CTNND2: variants seen among roughly 807,000 people sequenced by gnomAD.
CTNND2 encodes the protein catenin delta 2.
Under a neutral mutation model 144.4 loss-of-function variants are expected in CTNND2, and 22 were observed. The ratio of observed to expected loss-of-function variants is 0.15; its 90% CI spans 0.11 to 0.22. CTNND2 has a LOEUF of 0.22. Ranked by LOEUF, CTNND2 falls within the 10% of genes least tolerant of loss-of-function variation. The pLI is 1.00. For synonymous variants in CTNND2, 751 were observed against 695.6 expected (o/e 1.08, Z -1.25); for missense variants, 1,353 against 1,618.8 (o/e 0.84, Z 2.82).
At chr5:11,056,371 A>G (rs1473737303) in intron 16 of CTNND2, among the ~76,000 whole-genome samples, 2 of 152,260 alleles carry the variant, frequency 1.3e-5, no homozygotes, top group Non-Finnish European at 2.9e-5. Context: ...AATCTGGGAA[A>G]AAGTTTTAGT....
At chr5:11,634,852 C>T (rs1457817871) in intron 2 of CTNND2, among the ~76,000 whole-genome samples, 1 of 151,998 alleles carries the variant, frequency 6.6e-6, no homozygotes, top group East Asian at 1.9e-4. Flanking sequence ...CTTGTGGTAT[C>T]AGATGGTGTG....
intron 10 of CTNND2, among the ~76,000 whole-genome samples, chr5:11,200,782 C>T (rs1737345965): frequency 6.6e-6 from 1 of 152,146 alleles, no homozygotes; most frequent in African/African-American, 2.4e-5. Flanking sequence ...GGGTTCACGC[C>T]ATTCTCCTGC....
At chr5:11,029,598 A>T (rs1367426250) in intron 16 of CTNND2, among the ~76,000 whole-genome samples, 3 of 152,232 alleles carry the variant, frequency 2.0e-5, no homozygotes, top group Non-Finnish European at 2.9e-5. Flanking sequence ...ATGTCACACA[A>T]TTACATCTTT....
intron 9 of CTNND2, among the ~76,000 whole-genome samples, chr5:11,272,604 T>C (rs546589268): frequency 6.6e-6 from 1 of 152,258 alleles, no homozygotes; most frequent in African/African-American, 2.4e-5. Flanking sequence ...CTGAACTGAT[T>C]TTACAACTCC....
chr5:11,206,828 G>A (rs1447946840), intron 10 of CTNND2, among the ~76,000 whole-genome samples: 2 of 152,110 alleles, frequency 1.3e-5, no homozygotes, highest in Non-Finnish European at 2.9e-5. Flanking sequence ...GGCAAATATC[G>A]TGTGGTGAGT....
intron 2 of CTNND2, among the ~76,000 whole-genome samples, chr5:11,636,840 A>T (rs1781733846): frequency 6.6e-6 from 1 of 152,236 alleles, no homozygotes; most frequent in Non-Finnish European, 1.5e-5. Context: ...AGTGGAGAAC[A>T]CATAAATATT....
intron 18 of CTNND2, among the ~76,000 whole-genome samples, chr5:10,997,694 T>C (rs1739505386): frequency 1.3e-5 from 2 of 152,198 alleles, no homozygotes; most frequent in Non-Finnish European, 2.9e-5. Flanking sequence ...ATTTTATGTT[T>C]GTCTCATTGC....
intron 1 of CTNND2, among the ~76,000 whole-genome samples, chr5:11,790,290 G>T (rs978943942): frequency 1.1e-4 from 17 of 152,126 alleles, no homozygotes; most frequent in Admixed American, 3.3e-4. Flanking sequence ...TACTCCAGAA[G>T]AAGTTTCAGC....
intron 9 of CTNND2, among the ~76,000 whole-genome samples, chr5:11,325,325 G>T (rs1752424571): frequency 1.3e-5 from 2 of 151,044 alleles, no homozygotes; most frequent in Non-Finnish European, 2.9e-5. Context: ...TTTTCCTCTG[G>T]CCATAAAGCT....
At chr5:11,902,351 T>C (rs1582094802) in intron 1 of CTNND2, among the ~76,000 whole-genome samples, 1 of 152,036 alleles carries the variant, frequency 6.6e-6, no homozygotes, top group Non-Finnish European at 1.5e-5. Context: ...GTAGCAGAAA[T>C]CCCCAAAATA....
At chr5:11,439,298 G>T (rs1467484373) in intron 3 of CTNND2, among the ~76,000 whole-genome samples, 2 of 152,156 alleles carry the variant, frequency 1.3e-5, no homozygotes, top group Non-Finnish European at 2.9e-5. Context: ...AGACAGCAGA[G>T]GGGATGCCTT....
At chr5:11,863,708 A>T (rs1176306983) in intron 1 of CTNND2, among the ~76,000 whole-genome samples, 1 of 152,212 alleles carries the variant, frequency 6.6e-6, no homozygotes, top group African/African-American at 2.4e-5. Context: ...CTCTTCTATC[A>T]AAGTACCACT....
At chr5:11,366,289 C>T (rs11750088) in intron 7 of CTNND2, among the ~76,000 whole-genome samples, 30,552 of 152,054 alleles carry the variant, frequency 0.2, 3,792 homozygotes, top group Admixed American at 0.28. Flanking sequence ...GTATATTTAA[C>T]GTGGGCTACT....
intron 18 of CTNND2, among the ~76,000 whole-genome samples, chr5:10,993,856 T>G (rs534603255): frequency 1.3e-5 from 2 of 152,282 alleles, no homozygotes; most frequent in African/African-American, 4.8e-5. Flanking sequence ...CATTTTGTTC[T>G]TTATTAATTC....
In CTNND2 at chr5:11,691,742, A is replaced by C. The variant is rs147546741; in HGVS notation, c.174+40394T>G. On this transcript the variant is annotated intron_variant, in intron 2 of 21. Coordinates refer to ENST00000304623, the MANE Select transcript of CTNND2 (RefSeq NM_001332.4). ...CAACACAGTCGTCCCCTCTCTACGAAAATATTAGTTGGATGTGGTGTTGTG... is the reference window on the plus strand; with the variant it reads ...CAACACAGTCGTCCCCTCTCTACGACAATATTAGTTGGATGTGGTGTTGTG... Among the ~76,000 whole-genome samples, 101 of 152,176 alleles carry C rather than the reference A, an allele frequency of 6.6e-4. 3 individuals are homozygous for C. The East Asian group carries it at 0.016, about 24-fold the overall frequency.
intron 10 of CTNND2, among the ~76,000 whole-genome samples, chr5:11,221,661 A>G (rs1739808977): frequency 6.6e-6 from 1 of 152,224 alleles, no homozygotes; most frequent in South Asian, 2.1e-4. Flanking sequence ...CAGTATTTTC[A>G]CAAAATGTTC....
At position 11,485,370 on chromosome 5, in the gene CTNND2, TGTGTGCGCGCGC is replaced by T. The variant is rs1309086548; in HGVS notation, c.288-73313_288-73302del. Among the ~76,000 whole-genome samples the T allele has an allele frequency of 6.3e-5, 8 of 126,586 alleles. No individual in the cohort carries two copies. The East Asian group carries it at 1.7e-3, about 26-fold the overall frequency. The allele number at this position is 126,586 out of a possible 152,430, so 83.0% of individuals were successfully genotyped here. On this transcript the variant is annotated intron_variant, in intron 3 of 21. Transcript: ENST00000304623. ...CTGTGTGTGTGTGTGTGTGTGTGTG[TGTGTGCGCGCGC>T]GCGCGTGCGCGCGCACATTCAATGC...
At chr5:11,567,183 A>AGTCTC (rs1466585263) in intron 2 of CTNND2, among the ~76,000 whole-genome samples, 1 of 151,696 alleles carries the variant, frequency 6.6e-6, no homozygotes, top group Non-Finnish European at 1.5e-5. Flanking sequence ...ATTGAGATGG[A>AGTCTC]GTCTCGCTCT....
At chr5:11,579,635 T>A (rs138748424) in intron 2 of CTNND2, among the ~76,000 whole-genome samples, 2 of 152,344 alleles carry the variant, frequency 1.3e-5, no homozygotes, top group African/African-American at 4.8e-5. Context: ...AACTTAGTTA[T>A]AATGAGCTGC....
Sources: gnomAD v4.1 joint callset for allele counts (sites outside exome capture counted in the v4.1 genomes callset) on GRCh38, gnomAD v4.1.1 for gene constraint, MANE v1.5 for transcripts, NCBI Gene and HGNC (gene_info 2026-07-23, HGNC 2026-07-21) for gene names.